The following ARPC5L variants were observed in gnomAD, a reference collection of about 807,000 sequenced individuals.
The protein encoded by ARPC5L is actin related protein 2/3 complex subunit 5 like.
In ARPC5L, 4 loss-of-function variants were observed where a neutral mutation model predicts 16.9. The ratio of observed to expected loss-of-function variants is 0.24; its 90% CI spans 0.12 to 0.54. ARPC5L has a LOEUF of 0.54. Among genes scored for constraint, ARPC5L ranks in the 20% least tolerant of loss-of-function variants. The pLI is 0.95. For missense variants in ARPC5L, 151 were observed against 201.9 expected, an observed-to-expected ratio of 0.75 and a Z score of 1.53; for synonymous variants, 78 against 82.6, an observed-to-expected ratio of 0.94 and a Z score of 0.30.
chr9:124,869,042 T>C lies in ARPC5L; in HGVS notation c.-249T>C. ...AGACTCCGTGGAAGGGACACTGAGG[T>C]GGGGGAGGCTGCGGTGATCCCATAC... On this transcript the variant is annotated 5_prime_UTR_variant, in exon 3 of 6. Transcript: ENST00000353214. The C allele has an allele frequency of 5.2e-6, 2 of 382,328 alleles. No individual in the cohort carries two copies. Among genetic ancestry groups the C allele is most frequent in the Non-Finnish European group, 4.6e-6 (1 of 218,000 alleles). The allele number at this position is 382,328 out of a possible 1,614,324, so 23.7% of individuals were successfully genotyped here. A position where few individuals can be genotyped will look rare whatever the true frequency, so the allele number is the denominator to read the frequency against.
At chr9:124,864,692 T>C (rs1200949660) in intron 2 of ARPC5L, among the ~76,000 whole-genome samples, 2 of 152,056 alleles carry the variant, frequency 1.3e-5, no homozygotes, top group African/African-American at 4.8e-5. Context: ...TTTGTATTTT[T>C]TGTAGGGACG....
At chr9:124,873,557 C>G (rs375293706) in intron 3 of ARPC5L, 135 bp from the exon 4 acceptor site, 26 of 975,114 alleles carry the variant, frequency 2.7e-5, no homozygotes, top group Admixed American at 2.0e-5. Context: ...TCTCTGCCCC[C>G]CTGGAAGCCG....
At chr9:124,864,348 C>T (rs1051459981) in intron 2 of ARPC5L, among the ~76,000 whole-genome samples, 5 of 151,838 alleles carry the variant, frequency 3.3e-5, no homozygotes, top group African/African-American at 9.7e-5. Context: ...CCACCATGCC[C>T]GGCTAATCTT....
At chr9:124,874,160 A>G (rs1414295930) in intron 4 of ARPC5L, among the ~76,000 whole-genome samples, 1 of 152,218 alleles carries the variant, frequency 6.6e-6, no homozygotes, top group Non-Finnish European at 1.5e-5. Context: ...AATTGTGCTT[A>G]CTGCATCACC....
At chr9:124,876,315 C>T (rs925995469) in intron 5 of ARPC5L, among the ~76,000 whole-genome samples, 41 of 151,940 alleles carry the variant, frequency 2.7e-4, no homozygotes, top group Non-Finnish European at 3.8e-4. Flanking sequence ...GGTGAAACCC[C>T]GTCTCTACTA....
At chr9:124,875,585 G>T (rs1829422000) in intron 5 of ARPC5L, among the ~76,000 whole-genome samples, 1 of 152,196 alleles carries the variant, frequency 6.6e-6, no homozygotes, top group South Asian at 2.1e-4. Flanking sequence ...CCTGGCCTCA[G>T]CCTTAGCAGG....
At position 124,873,847 on chromosome 9, in the gene ARPC5L, A is replaced by G. The variant is rs1326555079; in HGVS notation, c.222+83A>G. 4.0e-5 allele frequency: 62 copies of G among 1,540,572 alleles called. No individual in the cohort carries two copies. The East Asian group carries it at 1.3e-3, about 33-fold the overall frequency. On this transcript the variant is annotated intron_variant, in intron 4 of 5. Transcript: ENST00000353214. ...CTGCCCAGTGCGAGTGTGAGCTTTC[A>G]TCCACATCAGAGGGAGTGAGTTGGC...
rs933929928 is a variant in ARPC5L at position 124,869,038 on chromosome 9, G to C, written c.-253G>C. 5.3e-6 allele frequency: 2 copies of C among 379,298 alleles called. No individual in the cohort carries two copies. Among genetic ancestry groups the C allele is most frequent in the Non-Finnish European group, 9.3e-6 (2 of 216,032 alleles). The allele number at this position is 379,298 out of a possible 1,614,324, so 23.5% of individuals were successfully genotyped here. A position where few individuals can be genotyped will look rare whatever the true frequency, so the allele number is the denominator to read the frequency against. On this transcript the variant is annotated 5_prime_UTR_variant, in exon 3 of 6. Transcript: ENST00000353214. ...ATAGAGACTCCGTGGAAGGGACACT[G>C]AGGTGGGGGAGGCTGCGGTGATCCC...
chr9:124,875,065 G>C lies in ARPC5L; in HGVS notation c.313G>C (p.Val105Leu). 1 of 1,614,116 alleles carries C rather than the reference G, an allele frequency of 6.2e-7. No homozygotes were observed. Among genetic ancestry groups the C allele is most frequent in the South Asian group, 1.1e-5 (1 of 91,084 alleles). Residue 105 changes from valine (V) to leucine (L), a missense_variant, in exon 5 of 6, where the codon GTT becomes CTT. By Grantham distance (32) the Val-to-Leu change is conservative. Transcript: ENST00000353214. ...QAVQSLDRNGVDLLMKYIYKG... is the reference protein window; with the variant it reads ...QAVQSLDRNGLDLLMKYIYKG... ...TGTGCAGTCACTGGACAGAAACGGC[G>C]TTGACTTGTTAATGAAGTACATTTA...
rs543171552 is a variant in ARPC5L at position 124,869,399 on chromosome 9, C to G, written c.109C>G (p.Pro37Ala). Residue 37 changes from proline to alanine, a missense_variant, in exon 3 of 6, where the codon CCA becomes GCA. By Grantham distance (27) the Pro-to-Ala change is conservative. Coordinates refer to ENST00000353214, the MANE Select transcript of ARPC5L (RefSeq NM_030978.3). ...GGAGGCGGCGGCGGCGGCGGCGGAG[C>G]CAGGCCCGGACCCGAGCGAGGTGGA... ...QEEAAAAAAEPGPDPSEVDGL... is the reference protein window; with the variant it reads ...QEEAAAAAAEAGPDPSEVDGL... 1.1e-5 allele frequency: 17 copies of G among 1,508,826 alleles called. No homozygotes were observed. Among genetic ancestry groups the G allele is most frequent in the Non-Finnish European group, 1.5e-5 (17 of 1,128,454 alleles). 93.5% of individuals were successfully genotyped at this position (1,508,826 alleles called of 1,614,324 possible).
At chr9:124,871,739 GGTT>G (rs892795464) in intron 3 of ARPC5L, among the ~76,000 whole-genome samples, 11 of 152,092 alleles carry the variant, frequency 7.2e-5, no homozygotes, top group African/African-American at 2.7e-4. Context: ...CCAGAGCAGT[GGTT>G]GTGAGCGATT....
At chr9:124,868,102 C>G (rs927361923) in intron 2 of ARPC5L, among the ~76,000 whole-genome samples, 3 of 152,150 alleles carry the variant, frequency 2.0e-5, no homozygotes, top group African/African-American at 7.2e-5. Context: ...GACTTCTTCA[C>G]CACTAGTTTC....
At chr9:124,870,675 C>T (rs1381741608) in intron 3 of ARPC5L, among the ~76,000 whole-genome samples, 1 of 152,172 alleles carries the variant, frequency 6.6e-6, no homozygotes, top group Non-Finnish European at 1.5e-5. Context: ...AGGGAAGGGT[C>T]CCCAGGAGGG....
chr9:124,864,922 C>T (rs1829249408), intron 2 of ARPC5L, among the ~76,000 whole-genome samples: 1 of 152,098 alleles, frequency 6.6e-6, no homozygotes, highest in African/African-American at 2.4e-5. Flanking sequence ...ATTCTTCTGC[C>T]TCAGCCTCCC....
chr9:124,875,896 G>T (rs1829426947), intron 5 of ARPC5L, among the ~76,000 whole-genome samples: 1 of 152,354 alleles, frequency 6.6e-6, no homozygotes, highest in East Asian at 1.9e-4. Context: ...CCTTAAGGTG[G>T]TGTGGGTGCT....
rs1829461635 is a variant in ARPC5L at position 124,877,468 on chromosome 9, A to AATG, written c.*530_*532dup. On this transcript the variant is annotated 3_prime_UTR_variant, in exon 6 of 6. Transcript: ENST00000353214. Reference sequence around the variant, plus strand: ...AAAAAATGGTAATGAATGGGATGGTAATGAATGAGAGTTCAGTTGTTGTTC... The same window carrying AATG: ...AAAAAATGGTAATGAATGGGATGGTAATGATGAATGAGAGTTCAGTTGTTGTTC... 1 of 153,184 alleles carries AATG rather than the reference A, an allele frequency of 6.5e-6. No homozygotes were observed. Among genetic ancestry groups the AATG allele is most frequent in the Non-Finnish European group, 1.5e-5 (1 of 68,520 alleles). The allele number at this position is 153,184 out of a possible 1,614,324, so 9.5% of individuals were successfully genotyped here.
intron 5 of ARPC5L, among the ~76,000 whole-genome samples, chr9:124,876,189 C>CA (rs1271354678): frequency 1.3e-5 from 2 of 151,872 alleles, no homozygotes; most frequent in African/African-American, 4.8e-5. Context: ...CCCATCTCTA[C>CA]AAAAAAATAA....
intron 2 of ARPC5L, among the ~76,000 whole-genome samples, chr9:124,867,760 G>C (rs933613518): frequency 6.6e-6 from 1 of 151,606 alleles, no homozygotes; most frequent in African/African-American, 2.4e-5. Flanking sequence ...CTGTATTGCA[G>C]GTGGGCTTTG....
At chr9:124,867,140 CCTTT>C (rs997573206) in intron 2 of ARPC5L, among the ~76,000 whole-genome samples, 1 of 149,654 alleles carries the variant, frequency 6.7e-6, no homozygotes, top group African/African-American at 2.5e-5. Context: ...CTCAGGGACA[CCTTT>C]TTTTTTTTTT....
Sources: gnomAD v4.1 joint callset for allele counts (sites outside exome capture counted in the v4.1 genomes callset) on GRCh38, gnomAD v4.1.1 for gene constraint, MANE v1.5 for transcripts, NCBI Gene and HGNC (gene_info 2026-07-23, HGNC 2026-07-21) for gene names.